Variants in RSRC1 observed in about 807,000 individuals in gnomAD.
RSRC1 encodes serine/Arginine-related protein 53.
In RSRC1, 39 loss-of-function variants were observed where a neutral mutation model predicts 49.1. That is an observed-to-expected ratio of 0.79 (90% CI 0.61 to 1.04). RSRC1 has a LOEUF of 1.04. Ranked by LOEUF, RSRC1 falls within the 50% of genes least tolerant of loss-of-function variation. RSRC1 has a pLI of 0.00. For missense variants in RSRC1, 388 were observed against 402.4 expected, an observed-to-expected ratio of 0.96 and a Z score of 0.31; for synonymous variants, 143 against 130.8, an observed-to-expected ratio of 1.09 and a Z score of -0.63.
At chr3:158,349,706 T>TA (rs1730756063) in intron 5 of RSRC1, among the ~76,000 whole-genome samples, 1 of 144,028 alleles carries the variant, frequency 6.9e-6, no homozygotes, top group African/African-American at 2.6e-5. Flanking sequence ...TTTTTTTTTT[T>TA]TTTTTTTTTG....
intron 7 of RSRC1, among the ~76,000 whole-genome samples, chr3:158,481,563 A>T (rs183863229): frequency 7.9e-5 from 12 of 152,188 alleles, no homozygotes; most frequent in Non-Finnish European, 1.5e-4. Context: ...AACAGCATTG[A>T]AATTTTATTT....
intron 8 of RSRC1, among the ~76,000 whole-genome samples, chr3:158,537,589 A>T (rs1233522853): frequency 6.6e-6 from 1 of 151,656 alleles, no homozygotes; most frequent in East Asian, 1.9e-4. Context: ...ATAAAAACTA[A>T]TACCCATATT....
intron 6 of RSRC1, among the ~76,000 whole-genome samples, chr3:158,426,361 A>C (rs190876048): frequency 1.3e-5 from 2 of 151,466 alleles, no homozygotes; most frequent in Non-Finnish European, 3.0e-5. Context: ...TAAACCCTGC[A>C]AATCAGTAAG....
At chr3:158,256,094 C>T (rs549156307) in intron 4 of RSRC1, among the ~76,000 whole-genome samples, 2 of 152,282 alleles carry the variant, frequency 1.3e-5, no homozygotes, top group East Asian at 3.9e-4. Context: ...ACCTCCAACA[C>T]TGTGTTGAAT....
chr3:158,472,486 C>T (rs1157733150), intron 7 of RSRC1, among the ~76,000 whole-genome samples: 1 of 152,002 alleles, frequency 6.6e-6, no homozygotes, highest in Non-Finnish European at 1.5e-5. Flanking sequence ...GATCCTATTG[C>T]ATCTTCAACA....
chr3:158,131,568 T>G (rs940247962), intron 3 of RSRC1, among the ~76,000 whole-genome samples: 1 of 152,218 alleles, frequency 6.6e-6, no homozygotes, highest in Admixed American at 6.5e-5. Context: ...ACAGATGTAC[T>G]CATGAACTTG....
intron 1 of RSRC1, among the ~76,000 whole-genome samples, chr3:158,118,412 TC>T (rs1714994956): frequency 7.5e-6 from 1 of 133,992 alleles, no homozygotes; most frequent in African/African-American, 2.9e-5. Context: ...TACCTGGCCT[TC>T]TGTGTGTGTG....
intron 7 of RSRC1, among the ~76,000 whole-genome samples, chr3:158,511,642 A>T (rs1199799990): frequency 6.6e-6 from 1 of 152,192 alleles, no homozygotes; most frequent in Non-Finnish European, 1.5e-5. Flanking sequence ...ATACCCAGTA[A>T]TAGGATGGCT....
intron 5 of RSRC1, among the ~76,000 whole-genome samples, chr3:158,341,764 CGTGTGCCTGGAAAAGCCACAG>C (rs1037912360): frequency 6.6e-6 from 1 of 152,070 alleles, no homozygotes; most frequent in Non-Finnish European, 1.5e-5. Context: ...CAGCTTGAAC[CGTGTGCCTGGAAAAGCCACAG>C]ACACTCAATG....
intron 4 of RSRC1, among the ~76,000 whole-genome samples, chr3:158,255,084 C>CT (rs1724459317): frequency 6.6e-6 from 1 of 152,142 alleles, no homozygotes; most frequent in Non-Finnish European, 1.5e-5. Context: ...TCTCATTTGT[C>CT]TATTTTGGCT....
rs988674193 is a variant in RSRC1 at position 158,274,306 on chromosome 3, T to G, written c.495-23733T>G. Among the ~76,000 whole-genome samples, 4 of 152,142 alleles carry G rather than the reference T, an allele frequency of 2.6e-5. No homozygotes were observed. In the East Asian group the frequency reaches 7.7e-4, roughly 29 times the overall value. On this transcript the variant is annotated intron_variant, in intron 4 of 9. Coordinates refer to ENST00000611884, the MANE Select transcript of RSRC1 (RefSeq NM_001271838.2). Reference sequence around the variant, plus strand: ...ATTATGTTAAATTATCTTTAATTAATGAAGAAAAAGCCATTTTTCTCCAGT... The same window carrying G: ...ATTATGTTAAATTATCTTTAATTAAGGAAGAAAAAGCCATTTTTCTCCAGT...
chr3:158,304,646 T>C (rs1474582588), intron 5 of RSRC1, among the ~76,000 whole-genome samples: 2 of 152,174 alleles, frequency 1.3e-5, no homozygotes, highest in African/African-American at 4.8e-5. Context: ...ATTAAAAATA[T>C]TTATTAGCTC....
intron 6 of RSRC1, among the ~76,000 whole-genome samples, chr3:158,419,322 T>C (rs191342807): frequency 7.8e-4 from 119 of 151,986 alleles, no homozygotes; most frequent in African/African-American, 2.8e-3. Flanking sequence ...CTCCATCAGA[T>C]GGAAAAACTG....
At chr3:158,521,113 A>G (rs760905144) in intron 7 of RSRC1, among the ~76,000 whole-genome samples, 1 of 152,194 alleles carries the variant, frequency 6.6e-6, no homozygotes, top group Non-Finnish European at 1.5e-5. Flanking sequence ...CGAAGATCAC[A>G]TATTTTTAGA....
intron 3 of RSRC1, among the ~76,000 whole-genome samples, chr3:158,137,581 T>C (rs1716457245): frequency 6.6e-6 from 1 of 151,970 alleles, no homozygotes; most frequent in Non-Finnish European, 1.5e-5. Flanking sequence ...AATTAGTAGA[T>C]TCAGAATACT....
intron 6 of RSRC1, among the ~76,000 whole-genome samples, chr3:158,448,759 A>T (rs1736866809): frequency 6.6e-6 from 1 of 151,950 alleles, no homozygotes. Flanking sequence ...CCCAACAATA[A>T]AAAGAAAGAG....
intron 4 of RSRC1, among the ~76,000 whole-genome samples, chr3:158,283,016 T>C (rs1191588395): frequency 6.6e-6 from 1 of 152,140 alleles, no homozygotes; most frequent in African/African-American, 2.4e-5. Flanking sequence ...ATTGCAAACA[T>C]AACTGTGTTC....
Position 158,539,955 on chromosome 3 carries a change from C to T in RSRC1, c.759+2757C>T, listed in dbSNP as rs1042709761. Among the ~76,000 whole-genome samples the T allele has an allele frequency of 6.6e-6, 1 of 152,126 alleles. No individual in the cohort carries two copies. The highest frequency in any genetic ancestry group is 1.9e-4 in the East Asian group (1 of 5,200). The stretch of plus-strand genomic sequence containing the variant: ...ACATCTTTGATAACTAGAATAATAG[C>T]ACTGCACATATTTTTAAGGCAGTTT... On this transcript the variant is annotated intron_variant, in intron 8 of 9. Transcript: ENST00000611884. This position sits in a 1 kb window ranked among gnomAD's most constrained non-coding sequence, Gnocchi z 4.1.
intron 6 of RSRC1, among the ~76,000 whole-genome samples, chr3:158,452,997 A>G (rs1017496027): frequency 1.3e-4 from 20 of 152,094 alleles, no homozygotes; most frequent in African/African-American, 4.8e-4. Flanking sequence ...AGTAAATGAG[A>G]TATGCTACAT....
Sources: gnomAD v4.1 joint callset for allele counts (sites outside exome capture counted in the v4.1 genomes callset) on GRCh38, gnomAD v4.1.1 for gene constraint, Gnocchi (gnomAD v3.1) non-coding constraint, MANE v1.5 for transcripts, NCBI Gene and HGNC (gene_info 2026-07-23, HGNC 2026-07-21) for gene names.